The following EFCAB5 variants were observed in gnomAD, a reference collection of about 807,000 sequenced individuals.
EFCAB5 encodes EF-hand calcium binding domain 5.
EFCAB5 carries 131 observed loss-of-function variants against 167.9 expected under a neutral mutation model. That is an observed-to-expected ratio of 0.78 (90% confidence interval 0.68 to 0.90). EFCAB5 has a LOEUF of 0.90. Among genes scored for constraint, EFCAB5 ranks in the 40% least tolerant of loss-of-function variants. EFCAB5 has a pLI of 0.00. For synonymous variants in EFCAB5, 574 were observed against 602.8 expected, an observed-to-expected ratio of 0.95 and a Z score of 0.70; for missense variants, 1,663 against 1,745.2, an observed-to-expected ratio of 0.95 and a Z score of 0.84.
chr17:30,035,572 G>T (rs2069593023), intron 8 of EFCAB5, among the ~76,000 whole-genome samples: 1 of 152,138 alleles, frequency 6.6e-6, no homozygotes, highest in Admixed American at 6.6e-5. Context: ...AGGAAATGAA[G>T]ACCCAAAGAA....
At chr17:29,945,962 G>A (rs1480242432) in intron 3 of EFCAB5, among the ~76,000 whole-genome samples, 1 of 152,008 alleles carries the variant, frequency 6.6e-6, no homozygotes, top group Non-Finnish European at 1.5e-5. Flanking sequence ...AAAAGCAAAT[G>A]CAATAAAACA....
chr17:30,086,106 C>T lies in EFCAB5; in HGVS notation c.3580-957C>T, dbSNP rs141568683. Among the ~76,000 whole-genome samples the T allele has an allele frequency of 1.6e-3, 245 of 152,220 alleles. 1 individual carries two copies. The highest frequency in any genetic ancestry group is 5.5e-3 in the African/African-American group (230 of 41,534). On this transcript the variant is annotated intron_variant, in intron 18 of 22. Transcript: ENST00000394835. ...GAACTCCGAGACTCAAGCGATCCTC[C>T]TGCCTCAACCTCCGGGGTAGCTAAG...
At chr17:29,954,937 A>T (rs920294560) in intron 3 of EFCAB5, among the ~76,000 whole-genome samples, 2 of 152,084 alleles carry the variant, frequency 1.3e-5, no homozygotes, top group African/African-American at 4.8e-5. Context: ...GAGATTTAAG[A>T]TTTTACTGCC....
At chr17:29,993,749 C>T (rs981229808) in intron 5 of EFCAB5, among the ~76,000 whole-genome samples, 14 of 152,060 alleles carry the variant, frequency 9.2e-5, no homozygotes, top group African/African-American at 3.1e-4. Context: ...CAATGCTAAG[C>T]ATATTTTCAG....
chr17:29,973,946 T>A (rs2151591079), intron 4 of EFCAB5, among the ~76,000 whole-genome samples: 1 of 151,614 alleles, frequency 6.6e-6, no homozygotes, highest in Non-Finnish European at 1.5e-5. Context: ...TCACCTGAGG[T>A]CAGGAGTTCG....
chr17:30,070,569 A>T (rs1427816797), intron 14 of EFCAB5, among the ~76,000 whole-genome samples: 1 of 152,250 alleles, frequency 6.6e-6, no homozygotes, highest in East Asian at 1.9e-4. Flanking sequence ...CAAAGGTACC[A>T]AGAACATTCA....
rs753659494 is a variant in EFCAB5, at chr17:29,969,086, TAC to T, written c.487_488del (p.Thr163Ter). 4.3e-6 allele frequency: 7 copies of T among 1,613,614 alleles called. No individual in the cohort carries two copies. The highest frequency in any genetic ancestry group is 3.3e-5 in the Admixed American group (2 of 59,970). Reference protein sequence around the residue: ...RDNLAKEWFNTDSMTLNNTAY... With the variant: ...RDNLAKEWFNXDSMTLNNTAY... ...ATAATTTGGCCAAAGAGTGGTTTAA[TAC>T]TGACAGCATGACACTGAATAATACT... On this transcript the variant is annotated frameshift_variant, in exon 4 of 23. Transcript: ENST00000394835. LOFTEE classifies it high-confidence loss of function.
rs200892732 is a variant in EFCAB5 at position 30,053,806 on chromosome 17, C to A, written c.1852C>A (p.Arg618=). The A allele has an allele frequency of 1.2e-6, 2 of 1,613,372 alleles. No homozygotes were observed. Among genetic ancestry groups the A allele is most frequent in the Admixed American group, 1.7e-5 (1 of 59,996 alleles). ...CAGAGAGTCTATTGCAGAACAAGAT[C>A]GACACAAAGGGTCAGTAGCAGAACA... ...SRRESIAEQD[R]HKGSVAEQGS... Residue 618 remains arginine, a synonymous_variant, in exon 10 of 23, where the codon CGA becomes AGA. Coordinates refer to ENST00000394835, the MANE Select transcript of EFCAB5 (RefSeq NM_198529.4).
At chr17:30,074,222 T>G (rs960442172) in intron 14 of EFCAB5, 1 of 152,180 alleles carries the variant, frequency 6.6e-6, no homozygotes, top group Non-Finnish European at 1.5e-5. Context: ...AGCCTTGAAC[T>G]CTTGGGCTCA....
In EFCAB5 at chr17:30,082,884, T is replaced by A. The variant is rs1461282785; in HGVS notation, c.3427-7T>A. On this transcript the variant is annotated splice_region_variant and splice_polypyrimidine_tract_variant and intron_variant, in intron 17 of 22. Coordinates refer to ENST00000394835, the MANE Select transcript of EFCAB5 (RefSeq NM_198529.4). Reference sequence around the variant, plus strand: ...GAATAGGCTATTTGAATTTTCTGTCTCTACAGGGTGTTGCTAATGTCTTTA... The same window carrying A: ...GAATAGGCTATTTGAATTTTCTGTCACTACAGGGTGTTGCTAATGTCTTTA... 6.2e-7 allele frequency: 1 copy of A among 1,600,204 alleles called. No homozygotes were observed. The highest frequency in any genetic ancestry group is 1.1e-5 in the South Asian group (1 of 88,662).
chr17:29,999,561 C>T lies in EFCAB5; in HGVS notation c.974-345C>T, dbSNP rs546500261. The stretch of plus-strand genomic sequence containing the variant: ...CAAAATAAAGTTTTTAAAAAGAAAG[C>T]TTGCAGAAGTGTTTTGTTTAAGGAC... On this transcript the variant is annotated intron_variant, in intron 6 of 22. Coordinates refer to ENST00000394835, the MANE Select transcript of EFCAB5 (RefSeq NM_198529.4). Among the ~76,000 whole-genome samples the T allele has an allele frequency of 2.6e-5, 4 of 152,204 alleles. No individual in the cohort carries two copies. The East Asian group carries it at 7.7e-4, about 29-fold the overall frequency.
intron 7 of EFCAB5, among the ~76,000 whole-genome samples, chr17:30,004,287 G>A (rs932913494): frequency 6.6e-6 from 1 of 152,196 alleles, no homozygotes; most frequent in African/African-American, 2.4e-5. Context: ...CTTTTAAAAA[G>A]CTTCCTCTGA....
chr17:29,992,800 A>C (rs1306006686), intron 4 of EFCAB5, among the ~76,000 whole-genome samples: 2 of 152,232 alleles, frequency 1.3e-5, no homozygotes, highest in African/African-American at 4.8e-5. Context: ...TTTTGGGTAA[A>C]TATCCAGAAG....
chr17:29,953,904 C>T (rs1473681425), intron 3 of EFCAB5, among the ~76,000 whole-genome samples: 1 of 152,152 alleles, frequency 6.6e-6, no homozygotes, highest in Non-Finnish European at 1.5e-5. Flanking sequence ...GATGTGGTCT[C>T]AGATGGAGAT....
intron 3 of EFCAB5, among the ~76,000 whole-genome samples, chr17:29,955,285 G>C (rs964075823): frequency 6.6e-5 from 10 of 152,078 alleles, no homozygotes; most frequent in Admixed American, 5.9e-4. Context: ...TTGAACTATA[G>C]CTCCCATAAT....
chr17:29,991,180 A>G (rs1364599178), intron 4 of EFCAB5, among the ~76,000 whole-genome samples: 1 of 152,148 alleles, frequency 6.6e-6, no homozygotes, highest in Non-Finnish European at 1.5e-5. Flanking sequence ...GGTGTCCTCC[A>G]GCTTAGTTCC....
intron 14 of EFCAB5, among the ~76,000 whole-genome samples, chr17:30,073,352 C>T (rs1263978812): frequency 1.3e-5 from 2 of 152,078 alleles, no homozygotes; most frequent in East Asian, 1.9e-4. Flanking sequence ...CCACCATGCC[C>T]GACCCCAGCA....
At chr17:30,012,516 C>A (rs904994898) in intron 7 of EFCAB5, among the ~76,000 whole-genome samples, 3 of 152,230 alleles carry the variant, frequency 2.0e-5, no homozygotes, top group African/African-American at 7.2e-5. Flanking sequence ...GAAGGGCCCC[C>A]TGTCCAGTGG....
At chr17:30,091,238 G>A (rs2071189303) in intron 20 of EFCAB5, among the ~76,000 whole-genome samples, 1 of 152,192 alleles carries the variant, frequency 6.6e-6, no homozygotes, top group Non-Finnish European at 1.5e-5. Flanking sequence ...GCCAGGATTA[G>A]ACTTTAGTTT....
Sources: allele counts gnomAD v4.1 joint callset (sites outside exome capture counted in the v4.1 genomes callset), GRCh38; gene constraint gnomAD v4.1.1; transcripts MANE v1.5; gene names NCBI Gene and HGNC (gene_info 2026-07-23, HGNC 2026-07-21).